FGGY: variants seen among roughly 807,000 people sequenced by gnomAD.
FGGY encodes the protein FGGY carbohydrate kinase domain containing.
In FGGY, 72 loss-of-function variants were observed where a neutral mutation model predicts 71.3. That is an observed-to-expected ratio of 1.01 (90% CI 0.84 to 1.23). FGGY has a LOEUF of 1.23. Ranked by LOEUF, FGGY falls within the 50% of genes most tolerant of loss-of-function variation. FGGY has a pLI of 0.00. For missense variants in FGGY, 668 were observed against 682.3 expected (o/e 0.98, Z 0.23); for synonymous variants, 251 against 250.3 (o/e 1.00, Z -0.02).
At chr1:59,435,140 A>G (rs998558628) in intron 5 of FGGY, among the ~76,000 whole-genome samples, 1 of 152,206 alleles carries the variant, frequency 6.6e-6, no homozygotes, top group African/African-American at 2.4e-5. Context: ...TCCTTTACAA[A>G]TGACAACTTG....
At chr1:59,598,945 G>T (rs1027932825) in intron 8 of FGGY, among the ~76,000 whole-genome samples, 2 of 152,212 alleles carry the variant, frequency 1.3e-5, no homozygotes, top group Non-Finnish European at 2.9e-5. Context: ...TACAACATAT[G>T]CAGAGTATGT....
chr1:59,709,748 G>T lies in FGGY; in HGVS notation c.1512+35615G>T, dbSNP rs145905957. On this transcript the variant is annotated intron_variant, in intron 14 of 15. Coordinates refer to ENST00000303721, the MANE Select transcript of FGGY (RefSeq NM_018291.5). ...CAATTTGTATATCCCCCAATTTGTG[G>T]GACCCAGTGCAAAATGAAAATGTAG... Among the ~76,000 whole-genome samples the T allele has an allele frequency of 1.4e-3, 214 of 152,280 alleles. 2 individuals carry two copies. Among genetic ancestry groups the T allele is most frequent in the African/African-American group, 5.0e-3 (207 of 41,554 alleles).
At chr1:59,542,221 C>G (rs1307980589) in intron 7 of FGGY, among the ~76,000 whole-genome samples, 2 of 152,114 alleles carry the variant, frequency 1.3e-5, no homozygotes, top group Non-Finnish European at 2.9e-5. Flanking sequence ...TCTGCCATGT[C>G]GTTGGCTCCT....
At chr1:59,694,076 C>T (rs1049099175) in intron 14 of FGGY, among the ~76,000 whole-genome samples, 4 of 151,520 alleles carry the variant, frequency 2.6e-5, no homozygotes, top group African/African-American at 7.3e-5. Flanking sequence ...CTGAGGAGGG[C>T]GGATTACAAG....
chr1:59,314,846 G>C (rs1486042843), intron 1 of FGGY, among the ~76,000 whole-genome samples: 1 of 152,224 alleles, frequency 6.6e-6, no homozygotes, highest in African/African-American at 2.4e-5. Flanking sequence ...TCAAGACACA[G>C]TCCTGCATTG....
chr1:59,720,685 A>C (rs1023326193), intron 14 of FGGY, among the ~76,000 whole-genome samples: 85 of 152,020 alleles, frequency 5.6e-4, no homozygotes, highest in African/African-American at 2.0e-3. Flanking sequence ...GCTAAGATTG[A>C]TTTTCTTATT....
chr1:59,409,095 A>G (rs148821225), intron 5 of FGGY, among the ~76,000 whole-genome samples: 1 of 152,262 alleles, frequency 6.6e-6, no homozygotes, highest in Non-Finnish European at 1.5e-5. Flanking sequence ...TTTTCCTTCA[A>G]AGTCAGGATA....
intron 5 of FGGY, among the ~76,000 whole-genome samples, chr1:59,390,771 A>T (rs1469698239): frequency 6.6e-6 from 1 of 152,226 alleles, no homozygotes; most frequent in Admixed American, 6.5e-5. Flanking sequence ...ATTGACCAGT[A>T]TCACAGACAC....
At chr1:59,589,285 T>A (rs1053440790) in intron 8 of FGGY, among the ~76,000 whole-genome samples, 1 of 152,166 alleles carries the variant, frequency 6.6e-6, no homozygotes, top group Non-Finnish European at 1.5e-5. Flanking sequence ...AGTTTCATAA[T>A]GCAAGTCCTG....
At position 59,303,739 on chromosome 1, in the gene FGGY, T is replaced by G. The variant is rs2043086573; in HGVS notation, c.-15+6589T>G. On this transcript the variant is annotated intron_variant, in intron 1 of 15. Transcript: ENST00000303721. ...CCAACAGTGTACAATGGTTCCCTTTTCTCCATATTCTCATCAATACTTATT... is the reference window on the plus strand; with the variant it reads ...CCAACAGTGTACAATGGTTCCCTTTGCTCCATATTCTCATCAATACTTATT... Among the ~76,000 whole-genome samples, 3 of 152,158 alleles carry G rather than the reference T, an allele frequency of 2.0e-5. No individual in the cohort carries two copies. The South Asian group carries it at 6.2e-4, about 32-fold the overall frequency.
chr1:59,369,762 C>T (rs574623026), intron 4 of FGGY, among the ~76,000 whole-genome samples: 56 of 152,282 alleles, frequency 3.7e-4, no homozygotes, highest in Admixed American at 6.5e-4. Context: ...TCACGAAAAA[C>T]GACTGTTCTG....
chr1:59,495,339 G>A (rs1008109590), intron 6 of FGGY, among the ~76,000 whole-genome samples: 12 of 152,062 alleles, frequency 7.9e-5, no homozygotes, highest in African/African-American at 2.9e-4. Context: ...AGTTTAATTA[G>A]GCCCCATTTG....
chr1:59,297,013 C>T (rs116261902), upstream of FGGY: 2,281 of 153,468 alleles, frequency 0.015, 39 homozygotes, highest in Non-Finnish European at 0.019. Context: ...CCGGCCCGGC[C>T]CTTCCTTCCC....
At chr1:59,721,985 T>A (rs2097900907) in intron 14 of FGGY, among the ~76,000 whole-genome samples, 1 of 152,210 alleles carries the variant, frequency 6.6e-6, no homozygotes, top group South Asian at 2.1e-4. Context: ...AGCACATATT[T>A]TATGCAGATT....
At chr1:59,525,333 G>C (rs546542792) in intron 7 of FGGY, among the ~76,000 whole-genome samples, 175 of 152,296 alleles carry the variant, frequency 1.1e-3, no homozygotes, top group African/African-American at 3.9e-3. Flanking sequence ...TGGGCCAAGT[G>C]GGTGGAATGA....
At chr1:59,747,844 G>T (rs866179374) in intron 14 of FGGY, among the ~76,000 whole-genome samples, 1 of 152,156 alleles carries the variant, frequency 6.6e-6, no homozygotes, top group Non-Finnish European at 1.5e-5. Context: ...GTCATCAGAA[G>T]AAAATAAATT....
At chr1:59,520,429 A>G (rs1405621199) in intron 7 of FGGY, among the ~76,000 whole-genome samples, 1 of 152,082 alleles carries the variant, frequency 6.6e-6, no homozygotes, top group African/African-American at 2.4e-5. Context: ...TTCCTTTGTT[A>G]CTCATCCATC....
At chr1:59,422,164 C>T in intron 5 of FGGY, among the ~76,000 whole-genome samples, 1 of 152,082 alleles carries the variant, frequency 6.6e-6, no homozygotes, top group East Asian at 1.9e-4. Flanking sequence ...CTTGGATAAC[C>T]CTCTGGGAAT....
chr1:59,321,398 T>C lies in FGGY; in HGVS notation c.-14-138T>C, dbSNP rs149700120. 4.6e-5 allele frequency: 33 copies of C among 718,894 alleles called. 1 individual carries two copies. In the East Asian group the frequency reaches 8.7e-4, roughly 19 times the overall value. The allele number at this position is 718,894 out of a possible 1,614,324, so 44.5% of individuals were successfully genotyped here. On this transcript the variant is annotated intron_variant, in intron 1 of 15. Coordinates refer to ENST00000303721, the MANE Select transcript of FGGY (RefSeq NM_018291.5). ...ATTAGTATACTGTTATCACTAAAAA[T>C]GTTTGTTGGATGAATAAATAACAAA...
Sources: gnomAD v4.1 joint callset for allele counts (sites outside exome capture counted in the v4.1 genomes callset) on GRCh38, gnomAD v4.1.1 for gene constraint, MANE v1.5 for transcripts, NCBI Gene and HGNC (gene_info 2026-07-23, HGNC 2026-07-21) for gene names.